The following CDKAL1 variants were observed in gnomAD, a reference collection of about 807,000 sequenced individuals.
The protein encoded by CDKAL1 is threonylcarbamoyladenosine tRNA methylthiotransferase.
Under a neutral mutation model 68.2 loss-of-function variants are expected in CDKAL1, and 32 were observed. That is an observed-to-expected ratio of 0.47 (90% confidence interval 0.35 to 0.63). CDKAL1 has a LOEUF of 0.63. Ranked by LOEUF, CDKAL1 falls within the 30% of genes least tolerant of loss-of-function variation. The probability of loss-of-function intolerance (pLI) is 0.00; values close to 1 mark genes in which losing one functional copy is unlikely to be tolerated. For synonymous variants in CDKAL1, 234 were observed against 244.3 expected (o/e 0.96, Z 0.39); for missense variants, 606 against 696.7 (o/e 0.87, Z 1.47).
chr6:21,080,649 T>A (rs555156297), intron 12 of CDKAL1, among the ~76,000 whole-genome samples: 3 of 152,216 alleles, frequency 2.0e-5, no homozygotes, highest in Non-Finnish European at 4.4e-5. Flanking sequence ...CTTGCCTACC[T>A]GCCACAGAGC....
intron 2 of CDKAL1, among the ~76,000 whole-genome samples, chr6:20,545,952 C>T (rs1408447027): frequency 6.6e-6 from 1 of 151,910 alleles, no homozygotes; most frequent in Non-Finnish European, 1.5e-5. Flanking sequence ...CTAGTTATAC[C>T]CAAAATTTCT....
chr6:20,734,929 G>C (rs1773120426), intron 5 of CDKAL1, among the ~76,000 whole-genome samples: 1 of 145,990 alleles, frequency 6.8e-6, no homozygotes, highest in Non-Finnish European at 1.5e-5. Flanking sequence ...GAGTGCAGTG[G>C]TGCGATCTTG....
chr6:20,775,497 G>A (rs762218042), intron 7 of CDKAL1, among the ~76,000 whole-genome samples: 3 of 152,154 alleles, frequency 2.0e-5, no homozygotes, highest in African/African-American at 4.8e-5. Context: ...TGCAATTATG[G>A]TCTTTGTCTC....
chr6:21,104,375 T>A (rs185404001), intron 12 of CDKAL1, among the ~76,000 whole-genome samples: 2 of 152,296 alleles, frequency 1.3e-5, no homozygotes, highest in Admixed American at 1.3e-4. Flanking sequence ...TAGTTGTTCA[T>A]GTGGTTTGGA....
At chr6:21,144,028 G>A (rs2151038841) in intron 13 of CDKAL1, among the ~76,000 whole-genome samples, 1 of 152,158 alleles carries the variant, frequency 6.6e-6, no homozygotes, top group African/African-American at 2.4e-5. Flanking sequence ...TAGTAGGTAT[G>A]TTATATTCAG....
chr6:20,918,075 C>T (rs1762796186), intron 9 of CDKAL1, among the ~76,000 whole-genome samples: 1 of 152,180 alleles, frequency 6.6e-6, no homozygotes, highest in Admixed American at 6.5e-5. Context: ...CACGCCACTG[C>T]ACTCCAGCCA....
chr6:20,856,505 A>G (rs1305105656), intron 9 of CDKAL1, among the ~76,000 whole-genome samples: 1 of 152,200 alleles, frequency 6.6e-6, no homozygotes, highest in Non-Finnish European at 1.5e-5. Flanking sequence ...AAGATTTACA[A>G]CAGAGAAATA....
intron 8 of CDKAL1, among the ~76,000 whole-genome samples, chr6:20,798,666 G>T (rs938548385): frequency 6.8e-6 from 1 of 147,330 alleles, no homozygotes; most frequent in Non-Finnish European, 1.5e-5. Context: ...CACAAGGACA[G>T]AAAACCAAAC....
intron 15 of CDKAL1, among the ~76,000 whole-genome samples, chr6:21,208,105 G>A (rs1423455774): frequency 6.6e-6 from 1 of 152,038 alleles, no homozygotes; most frequent in East Asian, 1.9e-4. Flanking sequence ...CTGCCCCAGG[G>A]TGCCTCAGTG....
intron 13 of CDKAL1, among the ~76,000 whole-genome samples, chr6:21,116,479 A>G (rs914715090): frequency 1.3e-5 from 2 of 152,228 alleles, no homozygotes; most frequent in Admixed American, 1.3e-4. Context: ...TGAGTATGCT[A>G]GTAAATTACA....
intron 5 of CDKAL1, among the ~76,000 whole-genome samples, chr6:20,657,607 G>A (rs558214081): frequency 6.6e-6 from 1 of 152,104 alleles, no homozygotes; most frequent in Non-Finnish European, 1.5e-5. Context: ...GGGATTTACT[G>A]TCTTTCATGT....
chr6:20,647,202 A>G (rs908248039), intron 4 of CDKAL1, among the ~76,000 whole-genome samples: 2 of 152,240 alleles, frequency 1.3e-5, no homozygotes, highest in African/African-American at 4.8e-5. Flanking sequence ...TTTAAGGAGT[A>G]TCTCCCATGT....
chr6:20,559,710 G>A (rs1026311912), intron 4 of CDKAL1: 6 of 152,002 alleles, frequency 3.9e-5, no homozygotes, highest in Admixed American at 6.6e-5. Context: ...CAGAATTACC[G>A]GCATTATGGT....
chr6:20,710,008 A>G (rs1159617753), intron 5 of CDKAL1, among the ~76,000 whole-genome samples: 7 of 152,206 alleles, frequency 4.6e-5, no homozygotes, highest in African/African-American at 1.7e-4. Context: ...GGAATCAACT[A>G]CAACACTTGC....
intron 10 of CDKAL1, among the ~76,000 whole-genome samples, chr6:20,987,301 C>G (rs1210365456): frequency 1.3e-5 from 2 of 150,992 alleles, no homozygotes; most frequent in Non-Finnish European, 2.9e-5. Flanking sequence ...CTGTGTCACC[C>G]AGGCTGGAGT....
intron 5 of CDKAL1, among the ~76,000 whole-genome samples, chr6:20,700,489 T>C (rs760806113): frequency 2.0e-5 from 3 of 152,212 alleles, no homozygotes; most frequent in Non-Finnish European, 4.4e-5. Context: ...GGAAAGTCAT[T>C]GTTTCAGGAT....
At chr6:21,225,504 C>T (rs76505347) in intron 15 of CDKAL1, among the ~76,000 whole-genome samples, 3,205 of 152,226 alleles carry the variant, frequency 0.021, 113 homozygotes, top group African/African-American at 0.073. Context: ...GTGACGTCAC[C>T]GTCACAGCAG....
intron 5 of CDKAL1, among the ~76,000 whole-genome samples, chr6:20,719,457 A>G (rs1772245329): frequency 6.6e-6 from 1 of 152,204 alleles, no homozygotes; most frequent in Admixed American, 6.5e-5. Flanking sequence ...GCTAACTGTG[A>G]CATAGTATTT....
At chr6:20,878,448 C>T (rs9358375) in intron 9 of CDKAL1, among the ~76,000 whole-genome samples, 146,020 of 152,344 alleles carry the variant, frequency 0.96, 69,991 homozygotes, top group East Asian at 1. Flanking sequence ...TCTTTAAAGC[C>T]AACCTTAGCG....
Sources: allele counts gnomAD v4.1 joint callset (sites outside exome capture counted in the v4.1 genomes callset), GRCh38; gene constraint gnomAD v4.1.1; transcripts MANE v1.5; gene names NCBI Gene and HGNC (gene_info 2026-07-23, HGNC 2026-07-21).